The following FUNDC2 variants were observed in gnomAD, a reference collection of about 807,000 sequenced individuals.
FUNDC2 encodes the protein FUN14 domain containing 2, also known as FUN14 domain-containing protein 2.
Under a neutral mutation model 15.6 loss-of-function variants are expected in FUNDC2, and 4 were observed. The observed-to-expected ratio is 0.26, with a 90% confidence interval of 0.13 to 0.59. FUNDC2 has a LOEUF of 0.59. Ranked by LOEUF, FUNDC2 falls within the 20% of genes least tolerant of loss-of-function variation. The pLI, the probability that FUNDC2 is intolerant of heterozygous loss-of-function variation, is 0.90. For missense variants in FUNDC2, 98 were observed against 149.7 expected, an observed-to-expected ratio of 0.65 and a Z score of 1.80; for synonymous variants, 44 against 56.9, an observed-to-expected ratio of 0.77 and a Z score of 1.02.
chrX:155,035,293 G>A (rs999393348), intron 2 of FUNDC2, among the ~76,000 whole-genome samples: 14 of 111,350 alleles, frequency 1.3e-4, no homozygotes, highest in Non-Finnish European at 2.6e-4. Flanking sequence ...CCCTTTCCCC[G>A]CTGCTTTATG....
rs1457612461 is a variant in FUNDC2, at chrX:155,056,736, C to T, written c.*2064C>T. 5.4e-5 allele frequency: 6 copies of T among 110,795 alleles called. No homozygotes were observed. The highest frequency in any genetic ancestry group is 2.0e-4 in the African/African-American group (6 of 30,507). The allele number at this position is 110,795 out of a possible 1,213,427, so 9.1% of individuals were successfully genotyped here. On this transcript the variant is annotated 3_prime_UTR_variant, in exon 5 of 5. Transcript: ENST00000369498. Reference sequence around the variant, plus strand: ...ATGGGATGGTAACAGCAAAGCTAACCAAAGTGCTCTGTGCCCCTTTGGGTT... The same window carrying T: ...ATGGGATGGTAACAGCAAAGCTAACTAAAGTGCTCTGTGCCCCTTTGGGTT...
In FUNDC2 at chrX:155,051,645, G is replaced by C. The variant is rs782113143; in HGVS notation, c.361-25G>C. 25 of 1,201,614 alleles carry C rather than the reference G, an allele frequency of 2.1e-5. No homozygotes were observed. The South Asian group carries it at 4.3e-4, about 21-fold the overall frequency. ...ATAACAAATCTGTTTCTCATTTCTT[G>C]TTGTCATTATTGTTGATACTGTAGC... On this transcript the variant is annotated intron_variant, in intron 3 of 4. Coordinates refer to ENST00000369498, the MANE Select transcript of FUNDC2 (RefSeq NM_023934.4).
chrX:155,033,869 G>A (rs1383180236), intron 2 of FUNDC2, among the ~76,000 whole-genome samples: 4 of 111,939 alleles, frequency 3.6e-5, no homozygotes, highest in Non-Finnish European at 7.5e-5. Context: ...TTTGCCCAAG[G>A]CCACATAGCT....
intron 4 of FUNDC2, chrX:155,053,919 C>G (rs1557290661): frequency 2.0e-5 from 15 of 751,149 alleles, no homozygotes; most frequent in African/African-American, 2.3e-5. Flanking sequence ...ATTGGTAGAG[C>G]ACAGACTAAG....
intron 3 of FUNDC2, among the ~76,000 whole-genome samples, chrX:155,047,656 G>A (rs782256715): frequency 1.8e-5 from 2 of 110,680 alleles, no homozygotes; most frequent in Non-Finnish European, 3.8e-5. Context: ...AGAGGGTTAG[G>A]GTAGGTCTGG....
At chrX:155,039,811 T>A (rs2073842022) in intron 2 of FUNDC2, among the ~76,000 whole-genome samples, 1 of 112,125 alleles carries the variant, frequency 8.9e-6, no homozygotes, top group African/African-American at 3.2e-5. Flanking sequence ...TTGCTGAAGA[T>A]TGCTTTGGCT....
chrX:155,043,017 A>T lies in FUNDC2; in HGVS notation c.285-3492A>T, dbSNP rs149799191. Reference sequence around the variant, plus strand: ...AGTGGCACAATCACAGCTCACTGCAACCTCTACCTCCTGGGCTCAAGAGAT... The same window carrying T: ...AGTGGCACAATCACAGCTCACTGCATCCTCTACCTCCTGGGCTCAAGAGAT... On this transcript the variant is annotated intron_variant, in intron 2 of 4. Transcript: ENST00000369498. Among the ~76,000 whole-genome samples, 23 of 109,808 alleles carry T rather than the reference A, an allele frequency of 2.1e-4. No individual in the cohort carries two copies. The East Asian group carries it at 6.0e-3, about 29-fold the overall frequency.
intron 2 of FUNDC2, among the ~76,000 whole-genome samples, chrX:155,039,024 T>A (rs2073840007): frequency 1.8e-5 from 2 of 112,492 alleles, no homozygotes; most frequent in African/African-American, 6.5e-5. Flanking sequence ...TTATCTCTTG[T>A]CTTTTTGATG....
In FUNDC2 at chrX:155,058,405, T is replaced by C. The variant is rs2073916116; in HGVS notation, c.*3733T>C. The C allele has an allele frequency of 9.0e-6, 1 of 111,713 alleles. No homozygotes were observed. Among genetic ancestry groups the C allele is most frequent in the Non-Finnish European group, 1.9e-5 (1 of 53,142 alleles). 9.2% of individuals were successfully genotyped at this position (111,713 alleles called of 1,213,427 possible). ...AGATGGGCATAACTAATGGTTGGGC[T>C]CTTATTTGGAACCTCTACTTTTGTA... is the stretch of plus-strand genomic sequence containing the variant. On this transcript the variant is annotated 3_prime_UTR_variant, in exon 5 of 5. Transcript: ENST00000369498.
intron 2 of FUNDC2, among the ~76,000 whole-genome samples, chrX:155,042,574 C>G (rs1291474324): frequency 9.0e-6 from 1 of 111,311 alleles, no homozygotes; most frequent in Non-Finnish European, 1.9e-5. Context: ...TTTCTGTTGT[C>G]CTTCAAATAT....
intron 1 of FUNDC2, among the ~76,000 whole-genome samples, chrX:155,028,431 A>C (rs1188854355): frequency 1.8e-5 from 2 of 111,790 alleles, no homozygotes; most frequent in East Asian, 5.6e-4. Flanking sequence ...CTGTTGATCT[A>C]AGGGGCTTGG....
intron 1 of FUNDC2, among the ~76,000 whole-genome samples, chrX:155,029,878 G>T (rs2073809165): frequency 9.0e-6 from 1 of 111,228 alleles, no homozygotes; most frequent in South Asian, 3.7e-4. Context: ...AACATAAACA[G>T]TATATCACTG....
chrX:155,033,350 C>A, intron 1 of FUNDC2, 53 bp from the exon 2 acceptor site: 1 of 907,101 alleles, frequency 1.1e-6, no homozygotes, highest in Non-Finnish European at 1.6e-6. Flanking sequence ...ATATCTCAAT[C>A]TAGTTAGGTA....
At chrX:155,037,380 G>T (rs1277642123) in intron 2 of FUNDC2, among the ~76,000 whole-genome samples, 1 of 111,424 alleles carries the variant, frequency 9.0e-6, no homozygotes, top group Non-Finnish European at 1.9e-5. Context: ...GTTCCACTCA[G>T]GGTTATTTTT....
At chrX:155,042,791 A>G (rs2073851850) in intron 2 of FUNDC2, among the ~76,000 whole-genome samples, 1 of 111,977 alleles carries the variant, frequency 8.9e-6, no homozygotes, top group Non-Finnish European at 1.9e-5. Context: ...ATAGTTCAGT[A>G]TCATAACCAT....
Position 155,059,300 on chromosome X carries a change from A to C in FUNDC2, c.*4628A>C, listed in dbSNP as rs1386481834. On this transcript the variant is annotated 3_prime_UTR_variant, in exon 5 of 5. Coordinates refer to ENST00000369498, the MANE Select transcript of FUNDC2 (RefSeq NM_023934.4). ...ATGTCTTAGGAATCGTGTGGAGTGA[A>C]TGCAAGGAAAGGAGTGACAAGATAT... The C allele has an allele frequency of 8.9e-6, 1 of 112,447 alleles. No individual in the cohort carries two copies. Among genetic ancestry groups the C allele is most frequent in the African/African-American group, 3.2e-5 (1 of 30,882 alleles). 9.3% of individuals were successfully genotyped at this position (112,447 alleles called of 1,213,427 possible).
intron 1 of FUNDC2, among the ~76,000 whole-genome samples, chrX:155,032,283 T>C (rs1383686652): frequency 3.2e-5 from 3 of 92,747 alleles, no homozygotes; most frequent in Non-Finnish European, 6.5e-5. Flanking sequence ...GTGCCTTCTT[T>C]TTTTTTTTTT....
In FUNDC2 at chrX:155,027,080, G is replaced by T. The variant is rs369990228; in HGVS notation, c.133+9G>T. ...GGCCGCGTCCAGTCAAGGTAAGGGC[G>T]GGCGCGCGCGCGGCCGGCGCCGCGG... On this transcript the variant is annotated intron_variant, in intron 1 of 4. Transcript: ENST00000369498. 1 of 1,130,196 alleles carries T rather than the reference G, an allele frequency of 8.8e-7. No individual in the cohort carries two copies. The highest frequency in any genetic ancestry group is 2.1e-5 in the South Asian group (1 of 48,577). The allele number at this position is 1,130,196 out of a possible 1,213,427, so 93.1% of individuals were successfully genotyped here. A position where few individuals can be genotyped will look rare whatever the true frequency, so the allele number is the denominator to read the frequency against.
In FUNDC2 at chrX:155,057,696, G is replaced by A. The variant is rs1022129748; in HGVS notation, c.*3024G>A. ...GTCCCCTTCCTGGCTACTATGGGTC[G>A]GCCCTGCGTCCTCACCACTTTGAGC... is the stretch of plus-strand genomic sequence containing the variant. On this transcript the variant is annotated 3_prime_UTR_variant, in exon 5 of 5. Coordinates refer to ENST00000369498, the MANE Select transcript of FUNDC2 (RefSeq NM_023934.4). 1.8e-5 allele frequency: 2 copies of A among 111,918 alleles called. No homozygotes were observed. Among genetic ancestry groups the A allele is most frequent in the South Asian group, 3.7e-4 (1 of 2,668 alleles). The allele number at this position is 111,918 out of a possible 1,213,427, so 9.2% of individuals were successfully genotyped here.
Sources: gnomAD v4.1 joint callset for allele counts (sites outside exome capture counted in the v4.1 genomes callset) on GRCh38, gnomAD v4.1.1 for gene constraint, MANE v1.5 for transcripts, NCBI Gene and HGNC (gene_info 2026-07-23, HGNC 2026-07-21) for gene names.